The following ZFP64 variants were observed in gnomAD, a reference collection of about 807,000 sequenced individuals.
ZFP64 encodes the protein zinc finger protein 64.
ZFP64 carries 14 observed loss-of-function variants against 51.6 expected under a neutral mutation model. The observed-to-expected ratio is 0.27, with a 90% CI of 0.18 to 0.42. The LOEUF is 0.42. ZFP64 is among the 10% of genes least tolerant of loss of function. The probability of loss-of-function intolerance (pLI) is 1.00; values close to 1 mark genes in which losing one functional copy is unlikely to be tolerated. For missense variants in ZFP64, 754 were observed against 906.8 expected, an observed-to-expected ratio of 0.83 and a Z score of 2.16; for synonymous variants, 375 against 361.4, an observed-to-expected ratio of 1.04 and a Z score of -0.43.
At chr20:52,095,152 T>C (rs528096555) in intron 7 of ZFP64, among the ~76,000 whole-genome samples, 2 of 152,376 alleles carry the variant, frequency 1.3e-5, no homozygotes, top group African/African-American at 4.8e-5. Context: ...ACGCTGACCT[T>C]TCCCCTCTCC....
intron 5 of ZFP64, among the ~76,000 whole-genome samples, chr20:52,131,296 C>A (rs1484187237): frequency 6.6e-6 from 1 of 150,828 alleles, no homozygotes; most frequent in Non-Finnish European, 1.5e-5. Context: ...AGAAAGAAAG[C>A]AAGAAAAGAA....
At chr20:52,138,654 A>T (rs940721026) in intron 5 of ZFP64, among the ~76,000 whole-genome samples, 22 of 61,386 alleles carry the variant, frequency 3.6e-4, no homozygotes, top group African/African-American at 5.6e-4. Context: ...AAAATATAAT[A>T]AAAAAAAAAG....
At chr20:52,177,358 G>T (rs1027059328) in intron 2 of ZFP64, among the ~76,000 whole-genome samples, 1 of 152,180 alleles carries the variant, frequency 6.6e-6, no homozygotes, top group Non-Finnish European at 1.5e-5. Context: ...GGGTTCCACT[G>T]GTAGGCCCCT....
At chr20:52,113,641 G>C (rs1169532799) in intron 5 of ZFP64, among the ~76,000 whole-genome samples, 1 of 139,732 alleles carries the variant, frequency 7.2e-6, no homozygotes, top group South Asian at 2.3e-4. Context: ...GTTTTACCAT[G>C]TTGGCCAGGC....
chr20:52,129,249 TTTTTTTTC>T (rs895704223), intron 5 of ZFP64, among the ~76,000 whole-genome samples: 2 of 151,446 alleles, frequency 1.3e-5, no homozygotes, highest in South Asian at 2.1e-4. Context: ...GCCCGGTGAA[TTTTTTTTC>T]TTTTTTTCTT....
rs200831579 is a variant in ZFP64, at chr20:52,160,398, T to C, written c.512-24A>G. On this transcript the variant is annotated intron_variant, in intron 4 of 5. Coordinates refer to ENST00000216923, the MANE Select transcript of ZFP64 (RefSeq NM_018197.3). This position sits in a 1 kb window ranked among gnomAD's most constrained non-coding sequence, Gnocchi z 4.2. The stretch of plus-strand genomic sequence containing the variant: ...TCCTTCAAACACATACACACACAGA[T>C]GGCAGCAGGAAACAAGATTAAAAAA... 3 of 1,577,044 alleles carry C rather than the reference T, an allele frequency of 1.9e-6. No individual in the cohort carries two copies. Among genetic ancestry groups the C allele is most frequent in the East Asian group, 4.5e-5 (2 of 44,322 alleles).
intron 2 of ZFP64, among the ~76,000 whole-genome samples, chr20:52,181,146 A>G (rs976207002): frequency 3.3e-5 from 5 of 151,880 alleles, no homozygotes; most frequent in Non-Finnish European, 1.5e-5. Flanking sequence ...GTTTCACCAC[A>G]TTGGCCAGGC....
intron 2 of ZFP64, among the ~76,000 whole-genome samples, chr20:52,175,279 C>T (rs1469250011): frequency 6.6e-6 from 1 of 152,126 alleles, no homozygotes; most frequent in Admixed American, 6.5e-5. Context: ...TGCGCCACCA[C>T]GCCCAGCTAA....
chr20:52,125,983 G>C (rs1483806396), intron 5 of ZFP64, among the ~76,000 whole-genome samples: 1 of 151,964 alleles, frequency 6.6e-6, no homozygotes, highest in African/African-American at 2.4e-5. Context: ...CTGGGTTCAA[G>C]TGATTCTCCT....
chr20:52,113,072 C>T (rs1030302794), intron 5 of ZFP64, among the ~76,000 whole-genome samples: 11 of 152,138 alleles, frequency 7.2e-5, no homozygotes, highest in Non-Finnish European at 1.0e-4. Context: ...CTGTGGCTCA[C>T]GCCTGTAATC....
At chr20:52,131,671 G>C (rs1029093345) in intron 5 of ZFP64, among the ~76,000 whole-genome samples, 2 of 152,078 alleles carry the variant, frequency 1.3e-5, no homozygotes, top group South Asian at 4.1e-4. Context: ...AAAAGATATC[G>C]CAGTTTTAAA....
rs571277719 is a variant in ZFP64 at position 52,089,876 on chromosome 20, G to A, written c.977-1233C>T. On this transcript the variant is annotated intron_variant, in intron 7 of 8. Coordinates refer to the ZFP64 transcript ENST00000361387. ...TGGTAATGGGGAAGGCTGTGCATGC[G>A]CAGGAGCAGGGAGCATGTGGGAAAT... is the stretch of plus-strand genomic sequence containing the variant. Among the ~76,000 whole-genome samples the A allele has an allele frequency of 1.1e-4, 16 of 152,272 alleles. No individual in the cohort carries two copies. The East Asian group carries it at 1.9e-3, about 18-fold the overall frequency.
intron 5 of ZFP64, among the ~76,000 whole-genome samples, chr20:52,159,154 T>C (rs1420126764): frequency 6.6e-6 from 1 of 152,222 alleles, no homozygotes; most frequent in Non-Finnish European, 1.5e-5. Flanking sequence ...CCTGCTGACC[T>C]AAAGTATGTT....
chr20:52,150,004 C>G (rs1054482931), downstream of ZFP64, among the ~76,000 whole-genome samples: 5 of 151,982 alleles, frequency 3.3e-5, no homozygotes, highest in Non-Finnish European at 1.5e-5. Context: ...GTCAGGAGAT[C>G]GAGACCATCC....
At chr20:52,185,238 G>T (rs1166695654) in intron 2 of ZFP64, among the ~76,000 whole-genome samples, 1 of 152,096 alleles carries the variant, frequency 6.6e-6, no homozygotes, top group Non-Finnish European at 1.5e-5. Context: ...TGGCAAGGCT[G>T]GTCATGAACT....
At chr20:52,110,850 TGA>T in intron 5 of ZFP64, 1 of 1,609,534 alleles carries the variant, frequency 6.2e-7, no homozygotes. Context: ...CACCATAATC[TGA>T]GATCCCCACC....
intron 3 of ZFP64, 144 bp downstream of exon 3, chr20:52,165,720 T>C (rs1600786641): frequency 1.7e-5 from 19 of 1,093,196 alleles, no homozygotes; most frequent in East Asian, 2.5e-5. Flanking sequence ...TATGTGCTGA[T>C]GTAAATGCCA....
At chr20:52,188,751 T>C (rs1055230814) in intron 1 of ZFP64, among the ~76,000 whole-genome samples, 5 of 151,772 alleles carry the variant, frequency 3.3e-5, no homozygotes, top group African/African-American at 9.7e-5. Flanking sequence ...AGCGGGTAGA[T>C]CATGAGGTCA....
At chr20:52,184,182 TA>T (rs1983803529) in intron 2 of ZFP64, among the ~76,000 whole-genome samples, 1 of 152,134 alleles carries the variant, frequency 6.6e-6, no homozygotes, top group African/African-American at 2.4e-5. Flanking sequence ...AGCTCCAGAC[TA>T]TTGGGTAAAC....
Sources: gnomAD v4.1 joint callset for allele counts (sites outside exome capture counted in the v4.1 genomes callset) on GRCh38, gnomAD v4.1.1 for gene constraint, Gnocchi (gnomAD v3.1) non-coding constraint, MANE v1.5 for transcripts, NCBI Gene and HGNC (gene_info 2026-07-23, HGNC 2026-07-21) for gene names.